AKAP9: variants seen among roughly 807,000 people sequenced by gnomAD.
The protein encoded by AKAP9 is A-kinase anchor protein 9.
A neutral mutation model predicts 488.5 loss-of-function variants in AKAP9; 311 were observed. That is an observed-to-expected ratio of 0.64 (90% CI 0.58 to 0.70). AKAP9 has a LOEUF of 0.70. Ranked by LOEUF, AKAP9 falls within the 30% of genes least tolerant of loss-of-function variation. The probability of loss-of-function intolerance (pLI) is 0.00; values close to 1 mark genes in which losing one functional copy is unlikely to be tolerated. For synonymous variants in AKAP9, 1,462 were observed against 1,483.5 expected (o/e 0.99, Z 0.33); for missense variants, 4,215 against 4,374.5 (o/e 0.96, Z 1.03).
chr7:92,071,161 G>A (rs1428523124), intron 28 of AKAP9, 152 bp downstream of exon 28: 2 of 720,876 alleles, frequency 2.8e-6, no homozygotes, highest in Non-Finnish European at 5.0e-6. Context: ...CTTGAAGGCA[G>A]TAAACATATG....
At chr7:92,040,967 C>G (rs1806004694) in intron 18 of AKAP9, 69 bp downstream of exon 18, 2 of 1,312,748 alleles carry the variant, frequency 1.5e-6, no homozygotes, top group Admixed American at 2.3e-5. Flanking sequence ...TGAACCAGAT[C>G]CCCAATTAAA....
intron 8 of AKAP9, 32 bp from the exon 9 acceptor site, chr7:92,012,397 A>G (rs1800873205): frequency 6.4e-7 from 1 of 1,554,034 alleles, no homozygotes; most frequent in Non-Finnish European, 8.9e-7. Context: ...TCATTTAAGA[A>G]TATTATAATG....
intron 22 of AKAP9, chr7:92,058,106 C>T (rs1034093497): frequency 9.5e-5 from 50 of 524,112 alleles, no homozygotes; most frequent in African/African-American, 9.1e-4. Flanking sequence ...CTAAAAAGAA[C>T]TTTTTAATGT....
chr7:92,044,495 A>T (rs1451109279), intron 20 of AKAP9, among the ~76,000 whole-genome samples: 1 of 152,206 alleles, frequency 6.6e-6, no homozygotes, highest in African/African-American at 2.4e-5. Context: ...CATTACCATT[A>T]ACTTGTACAA....
intron 1 of AKAP9, among the ~76,000 whole-genome samples, chr7:91,957,822 C>T (rs1211254235): frequency 2.0e-5 from 3 of 152,022 alleles, no homozygotes; most frequent in Non-Finnish European, 4.4e-5. Context: ...AATCAGTATA[C>T]TTTTATCAAG....
intron 10 of AKAP9, among the ~76,000 whole-genome samples, 185 bp downstream of exon 10, chr7:92,014,513 C>G (rs1286655910): frequency 6.6e-6 from 1 of 152,114 alleles, no homozygotes; most frequent in Admixed American, 6.6e-5. Context: ...CCTATAGTCC[C>G]AGCTACTTGG....
At chr7:92,103,241 T>TTA (rs1261899143) in intron 46 of AKAP9, among the ~76,000 whole-genome samples, 1 of 151,448 alleles carries the variant, frequency 6.6e-6, no homozygotes. Flanking sequence ...AAACAAAAAA[T>TTA]TAGCTGGGCG....
At position 92,086,320 on chromosome 7, in the gene AKAP9, T is replaced by C; in HGVS notation, c.9117T>C (p.Ser3039=). ...ALQQVFLEER[S]VLLAAFRTEL... ...AACAAGTTTTCTTAGAAGAGCGTAG[T>C]GTTTTACTAGCAGCATTTCGGACGG... Residue 3039 remains serine (S), a synonymous_variant, in exon 37 of 50, where the codon AGT becomes AGC. Transcript: ENST00000356239. 1 of 1,614,158 alleles carries C rather than the reference T, an allele frequency of 6.2e-7. No homozygotes were observed. The highest frequency in any genetic ancestry group is 8.5e-7 in the Non-Finnish European group (1 of 1,180,008).
intron 1 of AKAP9, among the ~76,000 whole-genome samples, chr7:91,968,639 G>A (rs1794704236): frequency 6.6e-6 from 1 of 151,990 alleles, no homozygotes; most frequent in Non-Finnish European, 1.5e-5. Context: ...TACTAATTTT[G>A]GGTTTGGTTT....
intron 28 of AKAP9, among the ~76,000 whole-genome samples, chr7:92,074,153 A>T (rs1369488260): frequency 6.6e-6 from 1 of 152,172 alleles, no homozygotes; most frequent in Non-Finnish European, 1.5e-5. Flanking sequence ...GAATCTACAA[A>T]GAACTTAAAC....
chr7:92,085,018 T>C (rs1814274703), intron 35 of AKAP9, 78 bp downstream of exon 35: 24 of 1,512,066 alleles, frequency 1.6e-5, no homozygotes, highest in Non-Finnish European at 2.1e-5. Flanking sequence ...TTAGAAGTTA[T>C]ATGGTGGGAT....
Position 92,066,547 on chromosome 7 carries a change from G to T in AKAP9, c.6330+1G>T. The T allele has an allele frequency of 6.2e-7, 1 of 1,613,280 alleles. No individual in the cohort carries two copies. Among genetic ancestry groups the T allele is most frequent in the Non-Finnish European group, 8.5e-7 (1 of 1,179,474 alleles). ...TATCAGTGAACATCAAACTAGAGAGGTAAGAACTTCACTGATATTGCCCAA... is the reference window on the plus strand; with the variant it reads ...TATCAGTGAACATCAAACTAGAGAGTTAAGAACTTCACTGATATTGCCCAA... On this transcript the variant is annotated splice_donor_variant, in intron 26 of 49. Transcript: ENST00000356239. LOFTEE classifies it high-confidence loss of function.
intron 24 of AKAP9, among the ~76,000 whole-genome samples, chr7:92,064,655 A>G (rs1412143252): frequency 6.6e-6 from 1 of 152,184 alleles, no homozygotes; most frequent in Non-Finnish European, 1.5e-5. Flanking sequence ...CTTGATTCAC[A>G]TACATGTGAC....
At chr7:92,040,646 G>GTTTTTTT in intron 17 of AKAP9, 28 bp from the exon 18 acceptor site, 3 of 1,118,952 alleles carry the variant, frequency 2.7e-6, no homozygotes, top group Admixed American at 2.4e-5. Context: ...TGGTTGAATT[G>GTTTTTTT]TTTTTTTTTT....
chr7:92,099,809 G>A lies in AKAP9; in HGVS notation c.10836G>A (p.Met3612Ile). The part of the protein sequence containing the change: ...LTEEKNDLRN[M>I]VMKLEEQIRW... ...AAGAGAAGAATGACTTAAGGAACAT[G>A]GTTATGAAGCTGGAAGAGCAGATCA... The change falls in exon 44 of 50, where the codon ATG (methionine) becomes ATA (isoleucine). Residue 3612 changes from methionine to isoleucine, a missense_variant. Physicochemically the swap from Met to Ile is conservative, Grantham distance 10. Transcript: ENST00000356239. 1.2e-6 allele frequency: 2 copies of A among 1,614,014 alleles called. No individual in the cohort carries two copies. The highest frequency in any genetic ancestry group is 1.1e-5 in the South Asian group (1 of 91,068).
intron 11 of AKAP9, 48 bp downstream of exon 11, chr7:92,016,315 T>G (rs1801504087): frequency 7.6e-7 from 1 of 1,310,950 alleles, no homozygotes; most frequent in Non-Finnish European, 1.1e-6. Context: ...TCCTCTTAAA[T>G]TAATTGATGA....
Position 92,062,370 on chromosome 7 carries a change from G to A in AKAP9, c.5861G>A (p.Cys1954Tyr), listed in dbSNP as rs1810027627. 1 of 1,613,920 alleles carries A rather than the reference G, an allele frequency of 6.2e-7. No homozygotes were observed. Among genetic ancestry groups the A allele is most frequent in the African/African-American group, 1.3e-5 (1 of 75,032 alleles). ...GATCGTCTTGAGCAGGAGTTGTTAT[G>A]TGCAAGTAACAGGTTGCAAGAATTG... ...IIDRLEQELL[C>Y]ASNRLQELEA... The change falls in exon 24 of 50, where the codon TGT (cysteine) becomes TAT (tyrosine). Residue 1954 changes from cysteine (C) to tyrosine (Y), a missense_variant. By Grantham distance (194) the Cys-to-Tyr change is radical. Around this residue, in one of 5 missense-constraint regions of AKAP9, gnomAD observed 2,361 missense variants for 2,430.0 expected, o/e 0.97. Transcript: ENST00000356239.
chr7:92,065,174 A>G, intron 24 of AKAP9, 57 bp from the exon 25 acceptor site: 1 of 1,197,868 alleles, frequency 8.3e-7, no homozygotes, highest in Non-Finnish European at 1.2e-6. Context: ...CAGGGATTTC[A>G]TTATCATAAG....
intron 38 of AKAP9, chr7:92,090,708 TG>T (rs1815389393): frequency 1.3e-5 from 2 of 152,210 alleles, no homozygotes; most frequent in Non-Finnish European, 2.9e-5. Context: ...GCATTTGGGT[TG>T]TTTCTACTTT....
Sources: allele counts gnomAD v4.1 joint callset (sites outside exome capture counted in the v4.1 genomes callset), GRCh38; gene constraint gnomAD v4.1.1; regional missense constraint gnomAD v4.1.1; transcripts MANE v1.5; gene names NCBI Gene and HGNC (gene_info 2026-07-23, HGNC 2026-07-21).